The following IQUB variants were observed in gnomAD, a reference collection of about 807,000 sequenced individuals.
IQUB encodes the protein IQ motif and ubiquitin-like domain-containing protein.
A neutral mutation model predicts 86.4 loss-of-function variants in IQUB; 86 were observed. The observed-to-expected ratio is 1.00, with a 90% CI of 0.84 to 1.19. IQUB has a LOEUF of 1.19. Among genes scored for constraint, IQUB ranks in the 50% most tolerant of loss-of-function variants. The probability of loss-of-function intolerance (pLI) is 0.00; values close to 1 mark genes in which losing one functional copy is unlikely to be tolerated. For missense variants in IQUB, 946 were observed against 916.9 expected (o/e 1.03, Z -0.41); for synonymous variants, 289 against 304.5 (o/e 0.95, Z 0.53).
intron 7 of IQUB, 22 bp downstream of exon 7, chr7:123,496,674 G>A: frequency 7.3e-7 from 1 of 1,367,876 alleles, no homozygotes; most frequent in Non-Finnish European, 1.0e-6. Flanking sequence ...AATATTTTTT[G>A]CAAAGCCTGT....
chr7:123,514,826 A>G (rs1386916864), intron 1 of IQUB, among the ~76,000 whole-genome samples: 1 of 152,152 alleles, frequency 6.6e-6, no homozygotes, highest in Non-Finnish European at 1.5e-5. Flanking sequence ...TTTCACTCCT[A>G]CTTATAAGTG....
intron 3 of IQUB, among the ~76,000 whole-genome samples, chr7:123,506,269 T>C (rs1221499498): frequency 6.6e-6 from 1 of 152,214 alleles, no homozygotes; most frequent in Non-Finnish European, 1.5e-5. Context: ...TCCTGTCTTC[T>C]TCAAAGGCCT....
At chr7:123,512,400 A>G in intron 1 of IQUB, 56 bp from the exon 2 acceptor site, 4 of 1,064,652 alleles carry the variant, frequency 3.8e-6, no homozygotes, top group Non-Finnish European at 5.4e-6. Context: ...TACACAAAAA[A>G]TCAAATTCAT....
chr7:123,500,077 G>T (rs1272283929), intron 6 of IQUB, among the ~76,000 whole-genome samples: 1 of 152,186 alleles, frequency 6.6e-6, no homozygotes, highest in African/African-American at 2.4e-5. Flanking sequence ...AAAAGGGGAG[G>T]CATGAATAAT....
intron 7 of IQUB, among the ~76,000 whole-genome samples, chr7:123,495,519 T>C (rs116060585): frequency 6.9e-4 from 105 of 152,256 alleles, no homozygotes; most frequent in African/African-American, 2.4e-3. Flanking sequence ...GAAAATTTGC[T>C]TAGTGTTATA....
At position 123,465,789 on chromosome 7, in the gene IQUB, C is replaced by A. The variant is rs563376104; in HGVS notation, c.1582-780G>T. ...CATCAGTGGTCCTTTGACCTGGAGG[C>A]ACTTTAGAAGGACCTGAGGGAGATT... On this transcript the variant is annotated intron_variant, in intron 9 of 12. Coordinates refer to ENST00000324698, the MANE Select transcript of IQUB (RefSeq NM_178827.5). Among the ~76,000 whole-genome samples, 77 of 152,100 alleles carry A rather than the reference C, an allele frequency of 5.1e-4. 1 individual carries two copies. The highest frequency in any genetic ancestry group is 7.9e-4 in the Non-Finnish European group (54 of 67,948).
chr7:123,511,898 T>A (rs1179053605), intron 2 of IQUB, 46 bp downstream of exon 2: 4 of 1,404,450 alleles, frequency 2.8e-6, no homozygotes, highest in Non-Finnish European at 3.9e-6. Flanking sequence ...ACGCATTCAT[T>A]CTTCAAAATG....
At chr7:123,527,916 C>T (rs896297154) in intron 1 of IQUB, among the ~76,000 whole-genome samples, 53 of 152,336 alleles carry the variant, frequency 3.5e-4, no homozygotes, top group Non-Finnish European at 5.9e-4. Flanking sequence ...CCCCCAGCCT[C>T]GCTGCCGCCT....
intron 8 of IQUB, among the ~76,000 whole-genome samples, chr7:123,471,024 A>T (rs1379817427): frequency 6.6e-6 from 1 of 152,200 alleles, no homozygotes; most frequent in African/African-American, 2.4e-5. Context: ...TAATGGCATC[A>T]TATTCAGATC....
chr7:123,462,730 A>G, intron 10 of IQUB: 1 of 412,664 alleles, frequency 2.4e-6, no homozygotes, highest in Admixed American at 2.6e-5. Context: ...TAGGCATTAA[A>G]TTAGCAAATA....
At chr7:123,487,184 C>T (rs754450553) in intron 7 of IQUB, among the ~76,000 whole-genome samples, 8 of 152,170 alleles carry the variant, frequency 5.3e-5, no homozygotes, top group Non-Finnish European at 1.0e-4. Context: ...TTCCCCTTCA[C>T]CTTCTGCCAC....
intron 8 of IQUB, among the ~76,000 whole-genome samples, chr7:123,479,120 C>T (rs1421645278): frequency 6.6e-6 from 1 of 152,014 alleles, no homozygotes; most frequent in Non-Finnish European, 1.5e-5. Context: ...GCACTACAGG[C>T]TAACATCTTA....
intron 1 of IQUB, among the ~76,000 whole-genome samples, chr7:123,514,411 T>C (rs764280901): frequency 6.6e-6 from 1 of 152,102 alleles, no homozygotes; most frequent in Non-Finnish European, 1.5e-5. Context: ...AGGAAAATGA[T>C]TTCAAGGGAT....
At chr7:123,491,394 G>A (rs906934720) in intron 7 of IQUB, among the ~76,000 whole-genome samples, 2 of 151,990 alleles carry the variant, frequency 1.3e-5, no homozygotes, top group Non-Finnish European at 2.9e-5. Flanking sequence ...CAGAGAAAAA[G>A]AACTGGGAAA....
Position 123,527,290 on chromosome 7 carries a change from C to G in IQUB, c.-5+7202G>C, listed in dbSNP as rs374886585. The stretch of plus-strand genomic sequence containing the variant: ...CTCCTGTAGCTCGGAGTAATTTGAT[C>G]GTCTGAAGCCTTCTTCTCTCAGCTC... On this transcript the variant is annotated intron_variant, in intron 1 of 12. Coordinates refer to ENST00000324698, the MANE Select transcript of IQUB (RefSeq NM_178827.5). 1.6e-4 allele frequency among the ~76,000 whole-genome samples: 25 copies of G among 152,262 alleles called. No homozygotes were observed. In the East Asian group the frequency reaches 4.1e-3, roughly 25 times the overall value.
chr7:123,519,708 G>A (rs1796816928), intron 1 of IQUB, among the ~76,000 whole-genome samples: 1 of 152,138 alleles, frequency 6.6e-6, no homozygotes, highest in South Asian at 2.1e-4. Context: ...CATTTACATA[G>A]AAGGAGTAAG....
intron 12 of IQUB, among the ~76,000 whole-genome samples, chr7:123,454,578 C>CT (rs1024685906): frequency 1.3e-5 from 2 of 151,884 alleles, no homozygotes; most frequent in East Asian, 1.9e-4. Context: ...ATCAAGAGAC[C>CT]TTTTTTCCCA....
intron 11 of IQUB, among the ~76,000 whole-genome samples, chr7:123,460,082 T>C (rs577713811): frequency 1.3e-5 from 2 of 152,072 alleles, no homozygotes; most frequent in East Asian, 3.9e-4. Context: ...AGCATGTGTT[T>C]ACATGTACGG....
intron 5 of IQUB, 42 bp downstream of exon 5, chr7:123,502,902 T>G: frequency 6.6e-7 from 1 of 1,521,022 alleles, no homozygotes; most frequent in Non-Finnish European, 9.0e-7. Context: ...AATTATTGAG[T>G]CTATACCTTC....
Sources: gnomAD v4.1 joint callset for allele counts (sites outside exome capture counted in the v4.1 genomes callset) on GRCh38, gnomAD v4.1.1 for gene constraint, MANE v1.5 for transcripts, NCBI Gene and HGNC (gene_info 2026-07-23, HGNC 2026-07-21) for gene names.